The following QRICH1 variants were observed in gnomAD, a reference collection of about 807,000 sequenced individuals.
The protein encoded by QRICH1 is transcriptional regulator QRICH1.
In QRICH1, 16 loss-of-function variants were observed where a neutral mutation model predicts 87.1. The ratio of observed to expected loss-of-function variants is 0.18; its 90% CI spans 0.12 to 0.28. The LOEUF is 0.28. Among genes scored for constraint, QRICH1 ranks in the 10% least tolerant of loss-of-function variants. QRICH1 has a pLI of 1.00. For synonymous variants in QRICH1, 367 were observed against 368.4 expected (o/e 1.00, Z 0.05); for missense variants, 647 against 951.7 (o/e 0.68, Z 4.21).
Position 49,033,848 on chromosome 3 carries a change from G to A in QRICH1, c.1787-620C>T, listed in dbSNP as rs1333928357. The A allele has an allele frequency of 3.3e-5, 5 of 152,160 alleles. No homozygotes were observed. In the East Asian group the frequency reaches 9.6e-4, roughly 29 times the overall value. 9.4% of individuals were successfully genotyped at this position (152,160 alleles called of 1,614,324 possible). A position where few individuals can be genotyped will look rare whatever the true frequency, so the allele number is the denominator to read the frequency against. ...CTAAAAACACAAAAAATAGCCGGGT[G>A]TGGTGGCGGGCTCCTGTAGTCCCAG... On this transcript the variant is annotated intron_variant, in intron 6 of 9. Transcript: ENST00000395443.
chr3:49,075,908 G>T (rs1255167598), intron 2 of QRICH1, among the ~76,000 whole-genome samples: 1 of 151,912 alleles, frequency 6.6e-6, no homozygotes, highest in Non-Finnish European at 1.5e-5. Context: ...TCCAGCCTGG[G>T]TGACAGAATG....
chr3:49,079,274 C>T (rs1354920887), intron 1 of QRICH1, among the ~76,000 whole-genome samples: 3 of 151,796 alleles, frequency 2.0e-5, no homozygotes, highest in Non-Finnish European at 4.4e-5. Flanking sequence ...ATTAAGTTAT[C>T]AGCTGGTCAC....
chr3:49,069,222 C>G (rs1028886242), intron 2 of QRICH1, among the ~76,000 whole-genome samples: 18 of 151,436 alleles, frequency 1.2e-4, no homozygotes, highest in African/African-American at 4.4e-4. Flanking sequence ...TCTGCCTCAG[C>G]CTCCCGAGTA....
At chr3:49,042,719 C>T (rs545576217) in intron 6 of QRICH1, among the ~76,000 whole-genome samples, 1 of 152,070 alleles carries the variant, frequency 6.6e-6, no homozygotes, top group African/African-American at 2.4e-5. Context: ...ATTACAGGTA[C>T]CTGCCAACAC....
intron 3 of QRICH1, among the ~76,000 whole-genome samples, chr3:49,051,593 C>T (rs796512759): frequency 3.6e-5 from 5 of 140,010 alleles, no homozygotes; most frequent in Non-Finnish European, 7.8e-5. Flanking sequence ...CGCCCCCCCC[C>T]CCCTCCGCTT....
intron 6 of QRICH1, 32 bp from the exon 7 acceptor site, chr3:49,033,260 G>A: frequency 7.2e-7 from 1 of 1,382,886 alleles, no homozygotes; most frequent in Non-Finnish European, 9.7e-7. Flanking sequence ...CACAACAAGA[G>A]GATGGCAGGT....
At chr3:49,082,456 A>T (rs139035357) in intron 1 of QRICH1, among the ~76,000 whole-genome samples, 43 of 152,308 alleles carry the variant, frequency 2.8e-4, no homozygotes, top group African/African-American at 9.6e-4. Flanking sequence ...AAGTTACTAT[A>T]AGAAACTCTA....
At chr3:49,078,890 C>T (rs1198900209) in intron 1 of QRICH1, among the ~76,000 whole-genome samples, 1 of 151,464 alleles carries the variant, frequency 6.6e-6, no homozygotes, top group Non-Finnish European at 1.5e-5. Context: ...CTGGGTTTTG[C>T]CATGTTGGCC....
At chr3:49,039,275 G>A (rs1390016204) in intron 6 of QRICH1, among the ~76,000 whole-genome samples, 1 of 151,482 alleles carries the variant, frequency 6.6e-6, no homozygotes. Flanking sequence ...GAGAATTGCT[G>A]GAACCTGGCA....
intron 2 of QRICH1, among the ~76,000 whole-genome samples, chr3:49,070,026 A>G (rs1207551566): frequency 6.6e-6 from 1 of 151,226 alleles, no homozygotes; most frequent in East Asian, 1.9e-4. Context: ...TCCTACACGC[A>G]TTTGTCACCA....
chr3:49,067,577 A>G (rs1175082311), intron 2 of QRICH1, among the ~76,000 whole-genome samples: 1 of 152,018 alleles, frequency 6.6e-6, no homozygotes, highest in Non-Finnish European at 1.5e-5. Context: ...CGAAAAAAAA[A>G]ACAAAAAAGA....
At chr3:49,032,373 AATAC>A in intron 8 of QRICH1, 100 bp from the exon 9 acceptor site, 4 of 678,220 alleles carry the variant, frequency 5.9e-6, no homozygotes, top group South Asian at 1.6e-5. Context: ...CCAACTAGGA[AATAC>A]AGGGTCGGGG....
In QRICH1 at chr3:49,057,367, C is replaced by T; in HGVS notation, c.833G>A (p.Ser278Asn). ...VLAIPQGQQQ[S>N]YVSLRPDLLT... ...TAAGTCTGGCCTCAAAGACACATAA[C>T]TCTGCTGCTGGCCCTGTGGAATGGC... Residue 278 changes from serine (S) to asparagine (N), a missense_variant, in exon 3 of 10, where the codon AGT becomes AAT. Ser to Asn is a conservative substitution (Grantham distance 46, BLOSUM62 1). This residue lies in a region of QRICH1 where 75 missense variants were observed against 141.0 expected (regional missense o/e 0.53). Coordinates refer to ENST00000395443, the MANE Select transcript of QRICH1 (RefSeq NM_198880.3). This position sits in a 1 kb window ranked among gnomAD's most constrained non-coding sequence, Gnocchi z 5.4. The T allele has an allele frequency of 6.2e-7, 1 of 1,614,192 alleles. No individual in the cohort carries two copies. Among genetic ancestry groups the T allele is most frequent in the Non-Finnish European group, 8.5e-7 (1 of 1,180,042 alleles).
chr3:49,088,200 G>A (rs1011416766), intron 1 of QRICH1, among the ~76,000 whole-genome samples: 2 of 151,900 alleles, frequency 1.3e-5, no homozygotes, highest in East Asian at 1.9e-4. Flanking sequence ...TGATCTGCCC[G>A]CCTCGGCCTC....
chr3:49,063,999 C>T (rs758325825), intron 2 of QRICH1, among the ~76,000 whole-genome samples: 5 of 151,752 alleles, frequency 3.3e-5, no homozygotes, highest in African/African-American at 2.4e-5. Flanking sequence ...CTCTGCCTCC[C>T]GGGTTCAAGC....
chr3:49,089,787 C>T (rs916704753), intron 1 of QRICH1, among the ~76,000 whole-genome samples: 1 of 152,016 alleles, frequency 6.6e-6, no homozygotes, highest in Non-Finnish European at 1.5e-5. Context: ...TTAAGGGCTA[C>T]GGAGATGGTA....
At chr3:49,074,251 C>G (rs909178473) in intron 2 of QRICH1, among the ~76,000 whole-genome samples, 1 of 152,142 alleles carries the variant, frequency 6.6e-6, no homozygotes, top group South Asian at 2.1e-4. Flanking sequence ...CTCCTGTGTT[C>G]TGTCTCTATT....
At position 49,033,156 on chromosome 3, in the gene QRICH1, G is replaced by A; in HGVS notation, c.1859C>T (p.Ser620Phe). Residue 620 changes from serine (S) to phenylalanine (F), a missense_variant, in exon 7 of 10, where the codon TCC becomes TTC. Coordinates refer to ENST00000395443, the MANE Select transcript of QRICH1 (RefSeq NM_198880.3). ...GAACATGAGGGTGGTCAGCAAGGTG[G>A]AGGGGGAGTGAGCCCCAAGCTGCTT... The part of the protein sequence containing the change: ...ECKQLGAHSP[S>F]TLLTTLMFFN... 6.3e-7 allele frequency: 1 copy of A among 1,581,830 alleles called. No homozygotes were observed. Among genetic ancestry groups the A allele is most frequent in the Non-Finnish European group, 8.6e-7 (1 of 1,165,846 alleles).
chr3:49,037,615 C>G (rs1379490580), intron 6 of QRICH1, among the ~76,000 whole-genome samples: 1 of 152,142 alleles, frequency 6.6e-6, no homozygotes, highest in Non-Finnish European at 1.5e-5. Flanking sequence ...GCCTGTAGTC[C>G]CAGCTACTCG....
Sources: allele counts gnomAD v4.1 joint callset (sites outside exome capture counted in the v4.1 genomes callset), GRCh38; gene constraint gnomAD v4.1.1; regional missense constraint gnomAD v4.1.1; non-coding constraint Gnocchi (gnomAD v3.1); transcripts MANE v1.5; gene names NCBI Gene and HGNC (gene_info 2026-07-23, HGNC 2026-07-21).